Variants in DKK2 observed in about 807,000 individuals in gnomAD.
DKK2 encodes the protein dickkopf Wnt signaling pathway inhibitor 2.
DKK2 carries 11 observed loss-of-function variants against 28.1 expected under a neutral mutation model. That is an observed-to-expected ratio of 0.39 (90% CI 0.25 to 0.65). The LOEUF (loss-of-function observed/expected upper bound fraction) is 0.65, where lower values mean the gene tolerates loss of function less well. DKK2 is among the 30% of genes least tolerant of loss of function. DKK2 has a pLI of 0.47. For synonymous variants in DKK2, 135 were observed against 126.5 expected (o/e 1.07, Z -0.45); for missense variants, 326 against 335.5 (o/e 0.97, Z 0.22).
intron 1 of DKK2, among the ~76,000 whole-genome samples, chr4:107,001,626 C>G (rs1023986965): frequency 6.6e-6 from 1 of 152,274 alleles, no homozygotes; most frequent in African/African-American, 2.4e-5. Context: ...ACAGTGCATT[C>G]TCTTTCTTTT....
intron 1 of DKK2, among the ~76,000 whole-genome samples, chr4:107,023,746 G>T (rs1723729770): frequency 6.6e-6 from 1 of 151,966 alleles, no homozygotes; most frequent in Non-Finnish European, 1.5e-5. Context: ...GGAGTTTATG[G>T]AAACTGACTA....
intron 1 of DKK2, among the ~76,000 whole-genome samples, chr4:106,998,539 A>G (rs1349850897): frequency 6.6e-6 from 1 of 152,202 alleles, no homozygotes; most frequent in Non-Finnish European, 1.5e-5. Flanking sequence ...TCAATAAAGA[A>G]TAGTGATTTT....
rs184042500 is a variant in DKK2, at chr4:107,001,252, A to G, written c.222+34118T>C. Among the ~76,000 whole-genome samples the G allele has an allele frequency of 5.2e-3, 791 of 152,236 alleles. 3 individuals carry two copies. The highest frequency in any genetic ancestry group is 6.8e-3 in the Non-Finnish European group (463 of 68,016). On this transcript the variant is annotated intron_variant, in intron 1 of 3. Transcript: ENST00000285311. ...AGAAGCTAGGAAGAGGCAAGGAAGG[A>G]CCCTTCCCCAGAGCCTTCAGAGAGA... is the stretch of plus-strand genomic sequence containing the variant.
chr4:106,939,966 G>C (rs953341054), intron 1 of DKK2, among the ~76,000 whole-genome samples: 9 of 152,178 alleles, frequency 5.9e-5, no homozygotes, highest in African/African-American at 2.2e-4. Context: ...ATTCAAGATG[G>C]ATTACAGACT....
intron 1 of DKK2, among the ~76,000 whole-genome samples, chr4:107,024,350 C>T (rs758548888): frequency 2.0e-5 from 3 of 152,050 alleles, no homozygotes; most frequent in African/African-American, 7.2e-5. Flanking sequence ...CTGTTTGTAG[C>T]CTGCCTGCAA....
intron 1 of DKK2, among the ~76,000 whole-genome samples, chr4:107,027,320 C>G (rs1348841365): frequency 6.6e-6 from 1 of 152,064 alleles, no homozygotes; most frequent in African/African-American, 2.4e-5. Context: ...AGTCCATTAC[C>G]AGATAGAAAC....
intron 1 of DKK2, among the ~76,000 whole-genome samples, chr4:106,998,700 T>A (rs1045702164): frequency 6.6e-6 from 1 of 152,194 alleles, no homozygotes; most frequent in African/African-American, 2.4e-5. Context: ...TGAATAGCTA[T>A]AGTTATTCAG....
At position 106,988,947 on chromosome 4, in the gene DKK2, G is replaced by A. The variant is rs575633788; in HGVS notation, c.222+46423C>T. ...CACTGGGATTAAGGATCAAAGTCAG[G>A]GTGGGATAGACAAGGTTGGGGTTGA... On this transcript the variant is annotated intron_variant, in intron 1 of 3. Transcript: ENST00000285311. Among the ~76,000 whole-genome samples the A allele has an allele frequency of 1.1e-4, 17 of 152,254 alleles. No homozygotes were observed. The South Asian group carries it at 2.9e-3, about 26-fold the overall frequency.
At chr4:106,962,818 T>C (rs760455415) in intron 1 of DKK2, among the ~76,000 whole-genome samples, 3 of 151,604 alleles carry the variant, frequency 2.0e-5, no homozygotes, top group Non-Finnish European at 4.4e-5. Flanking sequence ...AGTGAAGAGA[T>C]AACACGTAGA....
chr4:106,929,729 A>G (rs1308050650), intron 1 of DKK2, among the ~76,000 whole-genome samples: 1 of 152,220 alleles, frequency 6.6e-6, no homozygotes, highest in East Asian at 1.9e-4. Flanking sequence ...TCTATCAGAA[A>G]TTGGTATTTC....
intron 1 of DKK2, among the ~76,000 whole-genome samples, chr4:107,031,461 T>G (rs7683570): frequency 0.037 from 5,685 of 152,108 alleles, 328 homozygotes; most frequent in African/African-American, 0.13. Context: ...TTTAGTCAAC[T>G]CGTTCAAGCT....
chr4:107,025,076 G>A (rs1723753971), intron 1 of DKK2, among the ~76,000 whole-genome samples: 1 of 152,160 alleles, frequency 6.6e-6, no homozygotes, highest in South Asian at 2.1e-4. Context: ...AGGCAAAGAG[G>A]TCCATCCCTC....
chr4:106,978,716 C>G (rs935770690), intron 1 of DKK2, among the ~76,000 whole-genome samples: 3 of 152,080 alleles, frequency 2.0e-5, no homozygotes, highest in Non-Finnish European at 4.4e-5. Context: ...CATTTGGCTC[C>G]CTGGCTTCAG....
intron 1 of DKK2, among the ~76,000 whole-genome samples, chr4:106,969,284 T>C (rs1035296424): frequency 4.6e-5 from 7 of 151,382 alleles, no homozygotes; most frequent in Middle Eastern, 3.4e-3. Flanking sequence ...TCCTCTCTCA[T>C]CTCTCATCTC....
At chr4:106,992,152 G>T (rs1183132649) in intron 1 of DKK2, among the ~76,000 whole-genome samples, 3 of 152,166 alleles carry the variant, frequency 2.0e-5, no homozygotes, top group African/African-American at 7.2e-5. Flanking sequence ...ATCATTAGCA[G>T]TAACATACGT....
intron 1 of DKK2, among the ~76,000 whole-genome samples, chr4:106,988,667 T>C (rs1162629457): frequency 6.6e-6 from 1 of 152,206 alleles, no homozygotes; most frequent in East Asian, 1.9e-4. Context: ...GTGCAATGAG[T>C]GCTAACATGT....
intron 1 of DKK2, among the ~76,000 whole-genome samples, chr4:106,991,304 T>G (rs1415103606): frequency 6.6e-6 from 1 of 152,146 alleles, no homozygotes; most frequent in Admixed American, 6.5e-5. Flanking sequence ...CAGTAATCCT[T>G]CAGATTCTTT....
intron 1 of DKK2, among the ~76,000 whole-genome samples, chr4:106,947,473 T>C (rs759531177): frequency 9.9e-5 from 15 of 152,138 alleles, no homozygotes; most frequent in Admixed American, 2.0e-4. Context: ...TTCTGTGTAA[T>C]AGAAATGACA....
intron 1 of DKK2, among the ~76,000 whole-genome samples, chr4:106,969,276 CTCTCTCA>C (rs1018535733): frequency 4.0e-5 from 6 of 151,202 alleles, no homozygotes; most frequent in African/African-American, 9.7e-5. Flanking sequence ...CTCCCTTTTC[CTCTCTCA>C]TCTCTCATCT....
Sources: allele counts gnomAD v4.1 joint callset (sites outside exome capture counted in the v4.1 genomes callset), GRCh38; gene constraint gnomAD v4.1.1; transcripts MANE v1.5; gene names NCBI Gene and HGNC (gene_info 2026-07-23, HGNC 2026-07-21).